THADA: variants seen among roughly 807,000 people sequenced by gnomAD.
THADA encodes tRNA (32-2'-O)-methyltransferase regulator THADA.
Under a neutral mutation model 219.8 loss-of-function variants are expected in THADA, and 213 were observed. That is an observed-to-expected ratio of 0.97 (90% CI 0.87 to 1.09). The LOEUF is 1.09. Ranked by LOEUF, THADA falls within the 50% of genes least tolerant of loss-of-function variation. THADA has a pLI of 0.00. For missense variants in THADA, 2,956 were observed against 2,311.3 expected, an observed-to-expected ratio of 1.28 and a Z score of -5.72; for synonymous variants, 1,018 against 828.9, an observed-to-expected ratio of 1.23 and a Z score of -3.92.
intron 22 of THADA, among the ~76,000 whole-genome samples, chr2:43,514,713 A>AT (rs1691056519): frequency 2.8e-5 from 2 of 72,476 alleles, no homozygotes; most frequent in African/African-American, 1.4e-4. Flanking sequence ...TATATATATA[A>AT]ATATATATTA....
At chr2:43,438,947 C>T (rs962730173) in intron 26 of THADA, among the ~76,000 whole-genome samples, 4 of 152,182 alleles carry the variant, frequency 2.6e-5, no homozygotes, top group East Asian at 1.9e-4. Flanking sequence ...TTATACTGTA[C>T]TCATCCTACT....
chr2:43,443,839 T>C (rs1681169350), intron 26 of THADA, among the ~76,000 whole-genome samples: 1 of 152,176 alleles, frequency 6.6e-6, no homozygotes, highest in Admixed American at 6.5e-5. Flanking sequence ...ACACAGAAGC[T>C]ACTTGCAGAT....
rs1244769296 is a variant in THADA, at chr2:43,590,871, A to T, written c.255T>A (p.Ile85=). 1 of 1,613,742 alleles carries T rather than the reference A, an allele frequency of 6.2e-7. No individual in the cohort carries two copies. The highest frequency in any genetic ancestry group is 8.5e-7 in the Non-Finnish European group (1 of 1,179,842). ...GATTCTTTAGACTCAAAGAAAGATA[A>T]ATGCCTGCTAAGATATCCAAACAAC... ...IQSCLDILAG[I]YLSLSLKNPL... Residue 85 remains isoleucine (I), a synonymous_variant, in exon 4 of 38, where the codon ATT becomes ATA. Transcript: ENST00000405975.
chr2:43,501,852 G>C (rs1689031802), intron 24 of THADA, among the ~76,000 whole-genome samples: 1 of 152,206 alleles, frequency 6.6e-6, no homozygotes, highest in Admixed American at 6.5e-5. Context: ...GCTGAGGTGG[G>C]AGAATAGCTT....
rs746208833 is a variant in THADA, at chr2:43,279,747, A to G, written c.5296+18T>C. 1 of 1,543,962 alleles carries G rather than the reference A, an allele frequency of 6.5e-7. No homozygotes were observed. The highest frequency in any genetic ancestry group is 8.7e-7 in the Non-Finnish European group (1 of 1,144,502). On this transcript the variant is annotated intron_variant, in intron 36 of 37. Coordinates refer to ENST00000405975, the MANE Select transcript of THADA (RefSeq NM_022065.5). Reference sequence around the variant, plus strand: ...TCCTGCAGCGATAAGACAATGCAAAAGGATAAGAACGAGGTACCTGTTGAC... The same window carrying G: ...TCCTGCAGCGATAAGACAATGCAAAGGGATAAGAACGAGGTACCTGTTGAC...
chr2:43,305,486 A>C (rs536343144), intron 31 of THADA, among the ~76,000 whole-genome samples: 1 of 152,156 alleles, frequency 6.6e-6, no homozygotes, highest in Non-Finnish European at 1.5e-5. Flanking sequence ...TGTGGCCCCC[A>C]TCACACACAC....
At chr2:43,289,532 A>T (rs1385736440) in intron 34 of THADA, among the ~76,000 whole-genome samples, 1 of 152,206 alleles carries the variant, frequency 6.6e-6, no homozygotes, top group Non-Finnish European at 1.5e-5. Flanking sequence ...ATTAAATATC[A>T]CTTTATTCAT....
At chr2:43,248,727 A>G (rs1385504215) in intron 36 of THADA, among the ~76,000 whole-genome samples, 1 of 152,210 alleles carries the variant, frequency 6.6e-6, no homozygotes, top group Admixed American at 6.5e-5. Flanking sequence ...ACCTGAAGGA[A>G]GAAAAAGGAC....
At chr2:43,558,075 A>G (rs750531602) in intron 16 of THADA, among the ~76,000 whole-genome samples, 13 of 152,214 alleles carry the variant, frequency 8.5e-5, no homozygotes, top group Admixed American at 2.0e-4. Context: ...CATTAGTAAG[A>G]AAGATAATAA....
intron 29 of THADA, among the ~76,000 whole-genome samples, chr2:43,393,475 G>A (rs1450398455): frequency 6.6e-6 from 1 of 152,142 alleles, no homozygotes; most frequent in Non-Finnish European, 1.5e-5. Context: ...GGGAGGCCGA[G>A]GTTGGGGGGA....
intron 25 of THADA, among the ~76,000 whole-genome samples, chr2:43,487,933 T>C (rs1237025174): frequency 6.6e-6 from 1 of 152,218 alleles, no homozygotes; most frequent in Non-Finnish European, 1.5e-5. Flanking sequence ...TCAATGATGA[T>C]CATTACATTT....
chr2:43,516,564 C>A (rs368988562), intron 22 of THADA, among the ~76,000 whole-genome samples: 1 of 152,094 alleles, frequency 6.6e-6, no homozygotes, highest in African/African-American at 2.4e-5. Flanking sequence ...CCTTCTAGTA[C>A]ATGCAAATAT....
intron 19 of THADA, among the ~76,000 whole-genome samples, chr2:43,549,974 G>A (rs2103871762): frequency 7.8e-6 from 1 of 128,190 alleles, no homozygotes. Context: ...AACACATTAT[G>A]TAATATACTG....
At position 43,556,573 on chromosome 2, in the gene THADA, C is replaced by G. The variant is rs780027085; in HGVS notation, c.2464-18G>C. ...CCCGAATCCTAGAATAAAGCGCAGA[C>G]TCAGTAACTGTCAAATTAAAGATCT... On this transcript the variant is annotated intron_variant, in intron 16 of 37. Transcript: ENST00000405975. The G allele has an allele frequency of 1.6e-5, 26 of 1,596,208 alleles. No homozygotes were observed. The highest frequency in any genetic ancestry group is 2.0e-5 in the Non-Finnish European group (23 of 1,171,268).
chr2:43,541,229 C>T lies in THADA; in HGVS notation c.3194G>A (p.Gly1065Asp), dbSNP rs367773429. ...RSMKEVALLLGMLCQLLPMQP... is the reference protein window; with the variant it reads ...RSMKEVALLLDMLCQLLPMQP... ...CATGGGCAGAAGCTGGCACAACATG[C>T]CTAAAAGTAAAGCAACTTCCTTCAT... Residue 1065 changes from glycine (G) to aspartate (D), a missense_variant, in exon 21 of 38, where the codon GGC (glycine) becomes GAC (aspartate). Transcript: ENST00000405975. 1 of 1,611,638 alleles carries T rather than the reference C, an allele frequency of 6.2e-7. No homozygotes were observed. The highest frequency in any genetic ancestry group is 8.5e-7 in the Non-Finnish European group (1 of 1,179,074).
chr2:43,335,794 C>CT (rs1228095978), intron 30 of THADA, among the ~76,000 whole-genome samples: 1 of 98,148 alleles, frequency 1.0e-5, no homozygotes, highest in Non-Finnish European at 1.9e-5. Flanking sequence ...CCTGTCTCTA[C>CT]TTTAAAAAAA....
chr2:43,541,350 T>G (rs375262231), intron 20 of THADA, 34 bp from the exon 21 acceptor site: 2 of 1,608,370 alleles, frequency 1.2e-6, no homozygotes, highest in African/African-American at 2.7e-5. Flanking sequence ...ATTGCAACCT[T>G]GATTACTCAT....
intron 3 of THADA, 135 bp downstream of exon 3, chr2:43,591,817 A>AG (rs1701609744): frequency 3.9e-6 from 2 of 512,252 alleles, no homozygotes. Flanking sequence ...ATAAACAGAA[A>AG]AAAAAAAATA....
At chr2:43,438,516 T>TG (rs1349910442) in intron 26 of THADA, among the ~76,000 whole-genome samples, 2 of 152,166 alleles carry the variant, frequency 1.3e-5, no homozygotes, top group Non-Finnish European at 2.9e-5. Flanking sequence ...CCAAGGTAAA[T>TG]GGCCTAGATA....
Sources: gnomAD v4.1 joint callset for allele counts (sites outside exome capture counted in the v4.1 genomes callset) on GRCh38, gnomAD v4.1.1 for gene constraint, MANE v1.5 for transcripts, NCBI Gene and HGNC (gene_info 2026-07-23, HGNC 2026-07-21) for gene names.